ST7: variants seen among roughly 807,000 people sequenced by gnomAD.
ST7 encodes the protein suppressor of tumorigenicity 7 protein.
In ST7, 28 loss-of-function variants were observed where a neutral mutation model predicts 78.7. That is an observed-to-expected ratio of 0.36 (90% CI 0.26 to 0.49). ST7 has a LOEUF of 0.49. Among genes scored for constraint, ST7 ranks in the 20% least tolerant of loss-of-function variants. The pLI is 0.99. For missense variants in ST7, 418 were observed against 696.0 expected (o/e 0.60, Z 4.49); for synonymous variants, 247 against 249.6 (o/e 0.99, Z 0.10).
chr7:117,064,681 T>G (rs533406916), intron 1 of ST7, among the ~76,000 whole-genome samples: 1 of 152,328 alleles, frequency 6.6e-6, no homozygotes, highest in South Asian at 2.1e-4. Flanking sequence ...TTATAGCAAA[T>G]GTATACTGTT....
At chr7:117,152,224 C>G (rs1302806808) in intron 9 of ST7, among the ~76,000 whole-genome samples, 3 of 60,502 alleles carry the variant, frequency 5.0e-5, no homozygotes, top group African/African-American at 1.4e-4. Context: ...TATATATATA[C>G]CATGAACAAA....
chr7:117,073,972 G>C (rs1385930861), intron 1 of ST7: 2 of 152,102 alleles, frequency 1.3e-5, no homozygotes, highest in African/African-American at 4.8e-5. Flanking sequence ...TCATGGAATT[G>C]GATTTTTGAC....
At chr7:117,050,173 C>T (rs953122183) in intron 1 of ST7, among the ~76,000 whole-genome samples, 1 of 151,416 alleles carries the variant, frequency 6.6e-6, no homozygotes, top group African/African-American at 2.4e-5. Context: ...TGAGATTGCA[C>T]CACTGCACTG....
At chr7:116,956,369 C>T in intron 1 of ST7, 1 of 413,030 alleles carries the variant, frequency 2.4e-6, no homozygotes, top group Non-Finnish European at 5.0e-6. Context: ...TCTAACTTGT[C>T]CTTGCAGGGA....
At chr7:117,087,160 C>T (rs1251231335) in intron 1 of ST7, among the ~76,000 whole-genome samples, 1 of 152,196 alleles carries the variant, frequency 6.6e-6, no homozygotes, top group Non-Finnish European at 1.5e-5. Context: ...TTTACTACCC[C>T]ATGGCCTGTA....
intron 9 of ST7, among the ~76,000 whole-genome samples, chr7:117,161,831 C>T (rs1361697976): frequency 6.6e-6 from 1 of 151,844 alleles, no homozygotes. Context: ...AACTCCTGAC[C>T]TCAAATTATC....
At chr7:117,091,649 T>C (rs1253210774) in intron 1 of ST7, among the ~76,000 whole-genome samples, 1 of 152,210 alleles carries the variant, frequency 6.6e-6, no homozygotes, top group African/African-American at 2.4e-5. Flanking sequence ...ATACTGCAAT[T>C]AGCCAGCATT....
chr7:116,990,210 A>G (rs1425927785), intron 1 of ST7, among the ~76,000 whole-genome samples: 1 of 152,238 alleles, frequency 6.6e-6, no homozygotes, highest in Non-Finnish European at 1.5e-5. Context: ...TGCTGAGATT[A>G]CAGGTGTGAG....
intron 9 of ST7, among the ~76,000 whole-genome samples, chr7:117,158,574 G>A (rs1411135708): frequency 2.0e-5 from 3 of 152,110 alleles, no homozygotes; most frequent in African/African-American, 7.2e-5. Flanking sequence ...GTGAACATGC[G>A]GATCATATAT....
chr7:117,124,500 C>A (rs976107020), intron 3 of ST7, among the ~76,000 whole-genome samples: 4 of 151,960 alleles, frequency 2.6e-5, no homozygotes, highest in African/African-American at 9.7e-5. Context: ...GGTGTATAAA[C>A]CAAGATTAAC....
At chr7:117,108,181 G>A (rs1248909623) in intron 2 of ST7, among the ~76,000 whole-genome samples, 2 of 152,064 alleles carry the variant, frequency 1.3e-5, no homozygotes, top group Non-Finnish European at 2.9e-5. Context: ...ATGTCTAGAA[G>A]GGTTTTTCCA....
chr7:116,959,793 T>G (rs550002626), intron 1 of ST7: 1 of 152,368 alleles, frequency 6.6e-6, no homozygotes, highest in South Asian at 2.1e-4. Context: ...TTCTCAGCCA[T>G]TAATAAAGCA....
At chr7:117,067,994 C>T (rs981339767) in intron 1 of ST7, among the ~76,000 whole-genome samples, 3 of 152,098 alleles carry the variant, frequency 2.0e-5, no homozygotes, top group African/African-American at 7.2e-5. Flanking sequence ...TTCATGCTTA[C>T]ATATTAGTGT....
rs565315518 is a variant in ST7, at chr7:117,172,699, G to A, written c.1078+1723G>A. Among the ~76,000 whole-genome samples, 5 of 152,308 alleles carry A rather than the reference G, an allele frequency of 3.3e-5. No homozygotes were observed. In the East Asian group the frequency reaches 9.6e-4, roughly 29 times the overall value. ...ATGTTGACATTCTTTTAGTACCAAA[G>A]GAATTCAGTCCCATGGCCATGGGTT... On this transcript the variant is annotated intron_variant, in intron 10 of 15. Coordinates refer to ENST00000323984, the MANE Select transcript of ST7 (RefSeq NM_001369598.1).
chr7:117,211,744 TTA>T (rs1792314889), intron 13 of ST7, among the ~76,000 whole-genome samples: 1 of 152,068 alleles, frequency 6.6e-6, no homozygotes, highest in African/African-American at 2.4e-5. Flanking sequence ...TCTTTGGAAA[TTA>T]GTTATCCATG....
chr7:117,155,709 C>G (rs1244668220), intron 9 of ST7, among the ~76,000 whole-genome samples: 1 of 152,200 alleles, frequency 6.6e-6, no homozygotes, highest in African/African-American at 2.4e-5. Context: ...CTCCACATAG[C>G]AGAGAATGAA....
At chr7:117,013,496 G>A (rs1471944164) in intron 1 of ST7, among the ~76,000 whole-genome samples, 3 of 152,136 alleles carry the variant, frequency 2.0e-5, no homozygotes, top group Non-Finnish European at 2.9e-5. Context: ...CTGATTAGAC[G>A]ACTGAGTGAA....
At chr7:117,049,720 T>C (rs1042335496) in intron 1 of ST7, among the ~76,000 whole-genome samples, 2 of 152,208 alleles carry the variant, frequency 1.3e-5, no homozygotes, top group African/African-American at 4.8e-5. Context: ...TTACTCCAGA[T>C]TCATGTATCT....
At chr7:117,065,162 T>C (rs907878051) in intron 1 of ST7, among the ~76,000 whole-genome samples, 1 of 151,884 alleles carries the variant, frequency 6.6e-6, no homozygotes, top group Non-Finnish European at 1.5e-5. Context: ...CTATAGCAAG[T>C]TATGAATAAA....
Sources: gnomAD v4.1 joint callset for allele counts (sites outside exome capture counted in the v4.1 genomes callset) on GRCh38, gnomAD v4.1.1 for gene constraint, MANE v1.5 for transcripts, NCBI Gene and HGNC (gene_info 2026-07-23, HGNC 2026-07-21) for gene names.